PHLDB1: variants seen among roughly 807,000 people sequenced by gnomAD.
The protein encoded by PHLDB1 is pleckstrin homology-like domain family B member 1.
PHLDB1 carries 65 observed loss-of-function variants against 139.3 expected under a neutral mutation model. That is an observed-to-expected ratio of 0.47 (90% CI 0.38 to 0.57). The LOEUF is 0.57. Among genes scored for constraint, PHLDB1 ranks in the 20% least tolerant of loss-of-function variants. PHLDB1 has a pLI of 0.00. For synonymous variants in PHLDB1, 679 were observed against 734.5 expected (o/e 0.92, Z 1.22); for missense variants, 1,624 against 1,839.7 (o/e 0.88, Z 2.14).
At chr11:118,609,847 G>C (rs1939825429) in intron 1 of PHLDB1, among the ~76,000 whole-genome samples, 1 of 152,126 alleles carries the variant, frequency 6.6e-6, no homozygotes, top group Non-Finnish European at 1.5e-5. Flanking sequence ...TCCCTCCCTC[G>C]GCCCTGCGGA....
chr11:118,628,752 T>G (rs1944293185), intron 6 of PHLDB1, 102 bp downstream of exon 6: 2 of 1,184,326 alleles, frequency 1.7e-6, no homozygotes, highest in Non-Finnish European at 1.2e-6. Flanking sequence ...AAACAGGGCT[T>G]CGGCTTCTCA....
rs1008116699 is a variant in PHLDB1, at chr11:118,632,558, C to T, written c.2379+262C>T. On this transcript the variant is annotated intron_variant, in intron 9 of 22. Transcript: ENST00000600882. The surrounding 1 kb of genome is among the most constrained non-coding windows in gnomAD (Gnocchi z 5.9). ...ACCTCTGGGTGCCTGCCATCCTAGG[C>T]CCTTTATGGCCCTTCTAGGAAGTGC... 2.0e-6 allele frequency: 1 copy of T among 510,840 alleles called. No individual in the cohort carries two copies. The highest frequency in any genetic ancestry group is 3.5e-6 in the Non-Finnish European group (1 of 285,396). The allele number at this position is 510,840 out of a possible 1,614,324, so 31.6% of individuals were successfully genotyped here.
chr11:118,641,596 G>C (rs1170144146), intron 12 of PHLDB1: 1 of 1,265,034 alleles, frequency 7.9e-7, no homozygotes, highest in African/African-American at 1.5e-5. Context: ...TCCCTCCTGC[G>C]TCTGGCCTTG....
Position 118,655,693 on chromosome 11 carries a change from CA to C in PHLDB1, c.3960+4del. The stretch of plus-strand genomic sequence containing the variant: ...ACCACCTGCGCAGTGCAGCCAAGGT[CA>C]GGGGTGGAGGGCACCAGAGGGGGGC... On this transcript the variant is annotated splice_donor_region_variant and intron_variant, in intron 21 of 22. Coordinates refer to ENST00000600882, the MANE Select transcript of PHLDB1 (RefSeq NM_001144758.3). The C allele has an allele frequency of 1.9e-6, 3 of 1,608,874 alleles. No homozygotes were observed. The highest frequency in any genetic ancestry group is 1.7e-6 in the Non-Finnish European group (2 of 1,175,438).
chr11:118,650,604 C>A lies in PHLDB1; in HGVS notation c.3874+57C>A. 2 of 1,233,554 alleles carry A rather than the reference C, an allele frequency of 1.6e-6. No homozygotes were observed. Among genetic ancestry groups the A allele is most frequent in the South Asian group, 1.2e-5 (1 of 83,188 alleles). The allele number at this position is 1,233,554 out of a possible 1,614,324, so 76.4% of individuals were successfully genotyped here. ...GCCAGGATCCCTGGGCTCTGTTACC[C>A]AGGACGGCTGGTCTTCTAGAAGGAG... On this transcript the variant is annotated intron_variant, in intron 20 of 22. Transcript: ENST00000600882. The surrounding 1 kb of genome is among the most constrained non-coding windows in gnomAD (Gnocchi z 4.7).
At chr11:118,634,883 C>G (rs1224314954) in intron 9 of PHLDB1, 3 of 407,498 alleles carry the variant, frequency 7.4e-6, no homozygotes, top group Non-Finnish European at 1.5e-5. Context: ...TCTGTTTCTC[C>G]CCTGTGCCCC....
intron 6 of PHLDB1, chr11:118,630,035 T>TA: frequency 1.6e-6 from 2 of 1,282,072 alleles, no homozygotes; most frequent in Non-Finnish European, 2.0e-6. Flanking sequence ...CCGGTTTTTT[T>TA]TTTTTTTTTT....
rs782299630 is a variant in PHLDB1 at position 118,610,515 on chromosome 11, C to T, written c.-22+2816C>T. On this transcript the variant is annotated intron_variant, in intron 1 of 22. Transcript: ENST00000600882. This position sits in a 1 kb window ranked among gnomAD's most constrained non-coding sequence, Gnocchi z 8.7. Reference sequence around the variant, plus strand: ...CTTGGGCCGAGGCCGAGGCCGACCCCCAGGGACACAGGTGAGGCCGGGCGA... The same window carrying T: ...CTTGGGCCGAGGCCGAGGCCGACCCTCAGGGACACAGGTGAGGCCGGGCGA... The T allele has an allele frequency of 4.3e-5, 42 of 980,874 alleles. No homozygotes were observed. The highest frequency in any genetic ancestry group is 4.6e-5 in the Non-Finnish European group (38 of 825,854). 60.8% of individuals were successfully genotyped at this position (980,874 alleles called of 1,614,324 possible).
Position 118,627,927 on chromosome 11 carries a change from T to C in PHLDB1, c.1104T>C (p.Ala368=), listed in dbSNP as rs1944152100. Residue 368 remains alanine (A), a synonymous_variant, in exon 6 of 23, where the codon GCT becomes GCC. Transcript: ENST00000600882. ...VVAISLSEYP[A]SGALSQPTSI... is the part of the protein sequence containing the mutation. ...CCATCAGCCTGAGTGAATACCCAGC[T>C]TCTGGTGCTCTCAGTCAACCCACCA... is the stretch of plus-strand genomic sequence containing the variant. 2 of 1,612,744 alleles carry C rather than the reference T, an allele frequency of 1.2e-6. No homozygotes were observed. Among genetic ancestry groups the C allele is most frequent in the Non-Finnish European group, 1.7e-6 (2 of 1,180,010 alleles).
rs548171528 is a variant in PHLDB1 at position 118,642,366 on chromosome 11, T to C, written c.2849T>C (p.Leu950Pro). Residue 950 changes from leucine to proline, a missense_variant, in exon 13 of 23, where the codon CTG (leucine) becomes CCG (proline). Coordinates refer to ENST00000600882, the MANE Select transcript of PHLDB1 (RefSeq NM_001144758.3). Reference sequence around the variant, plus strand: ...TCCCCTCACTCTTCTCCCCCGCCTCTGCCCGCCAAAGCTTCCCGTCAGCTG... The same window carrying C: ...TCCCCTCACTCTTCTCCCCCGCCTCCGCCCGCCAAAGCTTCCCGTCAGCTG... The part of the protein sequence containing the change: ...AASPHSSPPP[L>P]PAKASRQLQV... 1.2e-5 allele frequency: 20 copies of C among 1,610,582 alleles called. No individual in the cohort carries two copies. The South Asian group carries it at 2.1e-4, about 17-fold the overall frequency.
Position 118,648,022 on chromosome 11 carries a change from G to C in PHLDB1, c.3600G>C (p.Arg1200=). ...VERRLQSESA[R]RQQLVEKEVK... is the part of the protein sequence containing the mutation. ...GGAGGCTGCAGAGTGAGAGTGCCCG[G>C]AGGCAGCAGCTGGTCGAGAAGGAGG... Residue 1200 remains arginine, a synonymous_variant, in exon 18 of 23, where the codon CGG becomes CGC. Transcript: ENST00000600882. 2 of 1,613,114 alleles carry C rather than the reference G, an allele frequency of 1.2e-6. No homozygotes were observed. Among genetic ancestry groups the C allele is most frequent in the Non-Finnish European group, 1.7e-6 (2 of 1,179,514 alleles).
chr11:118,619,082 G>C (rs1942242920), intron 4 of PHLDB1, among the ~76,000 whole-genome samples: 1 of 152,128 alleles, frequency 6.6e-6, no homozygotes, highest in Non-Finnish European at 1.5e-5. Flanking sequence ...GTGGAGCTGG[G>C]AATAGGACCA....
At chr11:118,613,977 C>T in intron 2 of PHLDB1, 81 bp downstream of exon 2, 1 of 908,056 alleles carries the variant, frequency 1.1e-6, no homozygotes, top group East Asian at 2.6e-5. Context: ...GGTCCCAGCC[C>T]AAGGATGAAA....
rs1003884653 is a variant in PHLDB1 at position 118,618,699 on chromosome 11, A to G, written c.355+2488A>G. Reference sequence around the variant, plus strand: ...CTGTGAGCATATATACAAGACGATCATTTTCCCTACCTTGTTCCCCTAATC... The same window carrying G: ...CTGTGAGCATATATACAAGACGATCGTTTTCCCTACCTTGTTCCCCTAATC... On this transcript the variant is annotated intron_variant, in intron 4 of 22. Coordinates refer to ENST00000600882, the MANE Select transcript of PHLDB1 (RefSeq NM_001144758.3). 1.6e-4 allele frequency among the ~76,000 whole-genome samples: 25 copies of G among 151,560 alleles called. 1 individual carries two copies. The highest frequency in any genetic ancestry group is 6.6e-5 in the Admixed American group (1 of 15,206).
At chr11:118,652,576 A>T (rs1188292846) in intron 20 of PHLDB1, 2 of 152,256 alleles carry the variant, frequency 1.3e-5, no homozygotes, top group African/African-American at 4.8e-5. Context: ...CACTATTTTT[A>T]TGCCATTTTA....
chr11:118,626,175 C>T (rs1167478632), intron 5 of PHLDB1, among the ~76,000 whole-genome samples: 1 of 152,144 alleles, frequency 6.6e-6, no homozygotes, highest in Admixed American at 6.5e-5. Flanking sequence ...AGCTCCCTCC[C>T]CTGCCTCTGA....
chr11:118,624,858 C>T, intron 4 of PHLDB1, 76 bp from the exon 5 acceptor site: 1 of 1,500,966 alleles, frequency 6.7e-7, no homozygotes, highest in African/African-American at 1.4e-5. Flanking sequence ...GATCCACCCT[C>T]CTCCGCCTCC....
At chr11:118,648,948 A>G (rs1947959455) in intron 18 of PHLDB1, among the ~76,000 whole-genome samples, 1 of 152,096 alleles carries the variant, frequency 6.6e-6, no homozygotes, top group African/African-American at 2.4e-5. Context: ...AACAAAATAA[A>G]TCCTAAGGGA....
rs1306393317 is a variant in PHLDB1, at chr11:118,645,386, G to A, written c.3152G>A (p.Arg1051Gln). The A allele has an allele frequency of 7.2e-6, 11 of 1,520,394 alleles. No homozygotes were observed. Among genetic ancestry groups the A allele is most frequent in the African/African-American group, 1.4e-5 (1 of 71,956 alleles). The allele number at this position is 1,520,394 out of a possible 1,614,324, so 94.2% of individuals were successfully genotyped here. A position where few individuals can be genotyped will look rare whatever the true frequency, so the allele number is the denominator to read the frequency against. ...CAAGTGATTGAAGAGCAGCGGCGGC[G>A]ACTGGCTGAGCTGAAGCAGAAAGCG... ...GQQVIEEQRR[R>Q]LAELKQKAAA... Residue 1051 changes from arginine to glutamine, a missense_variant, in exon 16 of 23, where the codon CGA (arginine) becomes CAA (glutamine). Physicochemically the swap from Arg to Gln is conservative, Grantham distance 43 (BLOSUM62 1). Transcript: ENST00000600882. The surrounding 1 kb of genome is among the most constrained non-coding windows in gnomAD (Gnocchi z 5.1).
Sources: gnomAD v4.1 joint callset for allele counts (sites outside exome capture counted in the v4.1 genomes callset) on GRCh38, gnomAD v4.1.1 for gene constraint, Gnocchi (gnomAD v3.1) non-coding constraint, MANE v1.5 for transcripts, NCBI Gene and HGNC (gene_info 2026-07-23, HGNC 2026-07-21) for gene names.